The following FER1L6 variants were observed in gnomAD, a reference collection of about 807,000 sequenced individuals.
FER1L6 encodes the protein fer-1 like family member 6.
In FER1L6, 177 loss-of-function variants were observed where a neutral mutation model predicts 219.2. That is an observed-to-expected ratio of 0.81 (90% confidence interval 0.71 to 0.91). FER1L6 has a LOEUF of 0.91. Ranked by LOEUF, FER1L6 falls within the 40% of genes least tolerant of loss-of-function variation. The pLI is 0.00. For synonymous variants in FER1L6, 768 were observed against 824.3 expected, an observed-to-expected ratio of 0.93 and a Z score of 1.17; for missense variants, 2,153 against 2,259.9, an observed-to-expected ratio of 0.95 and a Z score of 0.96.
intron 12 of FER1L6, among the ~76,000 whole-genome samples, chr8:123,995,658 A>G (rs1019178209): frequency 6.6e-6 from 1 of 151,768 alleles, no homozygotes; most frequent in Admixed American, 6.6e-5. Flanking sequence ...GTTGTTGTTT[A>G]GATTTCATTT....
Position 124,060,624 on chromosome 8 carries a change from G to A in FER1L6, c.3062G>A (p.Cys1021Tyr). ...SVDRPQALIE[C>Y]GGQGVKSCVI... ...GATCGGCCTCAGGCTCTCATTGAGT[G>A]CGGAGGACAAGGTGTGAAGTCCTGC... Residue 1021 changes from cysteine (C) to tyrosine (Y), a missense_variant, in exon 24 of 41, where the codon TGC (cysteine) becomes TAC (tyrosine). Physicochemically the swap from Cys to Tyr is radical, Grantham distance 194. Transcript: ENST00000522917. 3 of 1,614,122 alleles carry A rather than the reference G, an allele frequency of 1.9e-6. No homozygotes were observed. The highest frequency in any genetic ancestry group is 2.5e-6 in the Non-Finnish European group (3 of 1,179,996).
intron 20 of FER1L6, 33 bp from the exon 21 acceptor site, chr8:124,045,734 G>C (rs1449972561): frequency 1.9e-6 from 3 of 1,612,530 alleles, no homozygotes; most frequent in East Asian, 2.2e-5. Flanking sequence ...TCAATTGAAT[G>C]ATCTTTTGCT....
intron 1 of FER1L6, among the ~76,000 whole-genome samples, chr8:123,893,899 A>G (rs1458122061): frequency 6.6e-6 from 1 of 152,182 alleles, no homozygotes; most frequent in East Asian, 1.9e-4. Flanking sequence ...AGAAAACTGT[A>G]GTATTAGATT....
chr8:123,956,201 C>T (rs1815012047), intron 2 of FER1L6, 127 bp downstream of exon 2: 31 of 840,010 alleles, frequency 3.7e-5, no homozygotes, highest in Middle Eastern at 3.6e-4. Context: ...GCCCCCGACC[C>T]TTTAGGTCCT....
chr8:123,892,180 A>G (rs1408575930), intron 1 of FER1L6, among the ~76,000 whole-genome samples: 2 of 152,196 alleles, frequency 1.3e-5, no homozygotes, highest in Non-Finnish European at 2.9e-5. Context: ...AATACACCAT[A>G]CAAAGGTAAA....
Position 124,111,748 on chromosome 8 carries a change from C to G in FER1L6, c.5290-7096C>G, listed in dbSNP as rs1359433266. On this transcript the variant is annotated intron_variant, in intron 39 of 40. Coordinates refer to ENST00000522917, the MANE Select transcript of FER1L6 (RefSeq NM_001039112.2). This position sits in a 1 kb window ranked among gnomAD's most constrained non-coding sequence, Gnocchi z 5.0. ...GCAGTGAGGATGACCAGAGGTCACTCTTGTTCTCTGGTCGGTGGGTTTTGG... is the reference window on the plus strand; with the variant it reads ...GCAGTGAGGATGACCAGAGGTCACTGTTGTTCTCTGGTCGGTGGGTTTTGG... Among the ~76,000 whole-genome samples, 1 of 152,132 alleles carries G rather than the reference C, an allele frequency of 6.6e-6. No homozygotes were observed. The highest frequency in any genetic ancestry group is 6.5e-5 in the Admixed American group (1 of 15,280).
intron 5 of FER1L6, 50 bp from the exon 6 acceptor site, chr8:123,969,985 T>C (rs1815724911): frequency 2.7e-6 from 4 of 1,476,678 alleles, no homozygotes; most frequent in African/African-American, 2.8e-5. Context: ...GACAGGATTC[T>C]TAGGTGCAAG....
intron 1 of FER1L6, among the ~76,000 whole-genome samples, chr8:123,855,521 G>C (rs1307824581): frequency 2.1e-5 from 3 of 145,188 alleles, no homozygotes; most frequent in Non-Finnish European, 4.4e-5. Flanking sequence ...ATGGGAAAAA[G>C]GGAGTGGGCA....
At chr8:124,119,279 T>C (rs549783868) in intron 40 of FER1L6, among the ~76,000 whole-genome samples, 11 of 152,162 alleles carry the variant, frequency 7.2e-5, no homozygotes, top group Non-Finnish European at 1.3e-4. Context: ...AAGGGAATCA[T>C]TGGGGCCTGA....
chr8:123,963,104 A>G (rs981096239), intron 2 of FER1L6, among the ~76,000 whole-genome samples, 174 bp from the exon 3 acceptor site: 3 of 152,258 alleles, frequency 2.0e-5, no homozygotes, highest in Non-Finnish European at 2.9e-5. Context: ...AGAAAAATGA[A>G]GGATGTATCT....
intron 1 of FER1L6, among the ~76,000 whole-genome samples, chr8:123,855,520 AG>A (rs141474025): frequency 0.023 from 3,506 of 152,072 alleles, 121 homozygotes; most frequent in African/African-American, 0.079. Context: ...AATGGGAAAA[AG>A]GGAGTGGGCA....
At chr8:123,927,315 A>G (rs17269707) in intron 1 of FER1L6, among the ~76,000 whole-genome samples, 16,336 of 152,168 alleles carry the variant, frequency 0.11, 1,139 homozygotes, top group Middle Eastern at 0.17. Context: ...GCAAGTCAGT[A>G]ACAATAGCAA....
At chr8:123,945,832 A>G (rs1000606649) in intron 1 of FER1L6, among the ~76,000 whole-genome samples, 7 of 151,922 alleles carry the variant, frequency 4.6e-5, no homozygotes, top group Admixed American at 4.0e-4. Context: ...TTGAAATAAC[A>G]TATTCATTTT....
chr8:123,994,762 T>G (rs1817048344), intron 12 of FER1L6, among the ~76,000 whole-genome samples: 1 of 152,216 alleles, frequency 6.6e-6, no homozygotes, highest in South Asian at 2.1e-4. Flanking sequence ...ACCTCTCAGC[T>G]GGGGGCTTCT....
intron 1 of FER1L6, among the ~76,000 whole-genome samples, chr8:123,879,378 G>A (rs1011164841): frequency 1.6e-4 from 24 of 152,114 alleles, no homozygotes; most frequent in African/African-American, 5.8e-4. Flanking sequence ...CCAGGCTGGA[G>A]TGCAGTGGTG....
Position 123,852,584 on chromosome 8 carries a change from A to C in FER1L6, c.-8+399A>C, listed in dbSNP as rs901827397. Among the ~76,000 whole-genome samples, 2 of 152,028 alleles carry C rather than the reference A, an allele frequency of 1.3e-5. No homozygotes were observed. Among genetic ancestry groups the C allele is most frequent in the East Asian group, 1.9e-4 (1 of 5,184 alleles). On this transcript the variant is annotated intron_variant, in intron 1 of 40. Coordinates refer to ENST00000522917, the MANE Select transcript of FER1L6 (RefSeq NM_001039112.2). This position sits in a 1 kb window ranked among gnomAD's most constrained non-coding sequence, Gnocchi z 4.9. ...TTGGGGGATTATAGAGACAAAAAGCATGAGGAAGTTGCCTCAGGAACTCAT... is the reference window on the plus strand; with the variant it reads ...TTGGGGGATTATAGAGACAAAAAGCCTGAGGAAGTTGCCTCAGGAACTCAT...
chr8:124,097,277 C>T lies in FER1L6; in HGVS notation c.4702C>T (p.Leu1568=). The T allele has an allele frequency of 6.2e-7, 1 of 1,612,922 alleles. No homozygotes were observed. Among genetic ancestry groups the T allele is most frequent in the Non-Finnish European group, 8.5e-7 (1 of 1,179,272 alleles). Residue 1568 remains leucine, a synonymous_variant, in exon 36 of 41, where the codon CTG becomes TTG. Coordinates refer to ENST00000522917, the MANE Select transcript of FER1L6 (RefSeq NM_001039112.2). ...TATTTTTTTTCTTAACAAGGGCCGC[C>T]TGCAGATGTGGGTGGACATGTTTCC... ...KDKPGMEQGR[L]QMWVDMFPKD...
At chr8:124,078,255 T>C (rs145384821) in intron 32 of FER1L6, among the ~76,000 whole-genome samples, 233 of 152,226 alleles carry the variant, frequency 1.5e-3, no homozygotes, top group African/African-American at 5.3e-3. Flanking sequence ...CAGTGGGATT[T>C]AATGGGGCCC....
intron 32 of FER1L6, among the ~76,000 whole-genome samples, chr8:124,076,637 A>G (rs1821305458): frequency 6.6e-6 from 1 of 152,086 alleles, no homozygotes; most frequent in Non-Finnish European, 1.5e-5. Flanking sequence ...CTTTCTAATT[A>G]CAATTTTCTG....
Sources: gnomAD v4.1 joint callset for allele counts (sites outside exome capture counted in the v4.1 genomes callset) on GRCh38, gnomAD v4.1.1 for gene constraint, Gnocchi (gnomAD v3.1) non-coding constraint, MANE v1.5 for transcripts, NCBI Gene and HGNC (gene_info 2026-07-23, HGNC 2026-07-21) for gene names.